KCNIP4: variants seen among roughly 807,000 people sequenced by gnomAD.
KCNIP4 encodes Kv channel-interacting protein 4.
KCNIP4 carries 12 observed loss-of-function variants against 34.0 expected under a neutral mutation model. The ratio of observed to expected loss-of-function variants is 0.35; its 90% CI spans 0.23 to 0.57. The LOEUF is 0.57. Among genes scored for constraint, KCNIP4 ranks in the 20% least tolerant of loss-of-function variants. The pLI, the probability that KCNIP4 is intolerant of heterozygous loss-of-function variation, is 0.83. For missense variants in KCNIP4, 238 were observed against 311.7 expected (o/e 0.76, Z 1.78); for synonymous variants, 124 against 102.2 (o/e 1.21, Z -1.29).
At chr4:21,491,657 G>T (rs923267798) in intron 1 of KCNIP4, among the ~76,000 whole-genome samples, 29 of 152,148 alleles carry the variant, frequency 1.9e-4, no homozygotes, top group African/African-American at 6.3e-4. Context: ...ACAGGCATAA[G>T]CCACCACACC....
chr4:21,016,452 C>T (rs556285549), intron 1 of KCNIP4, among the ~76,000 whole-genome samples: 49 of 151,706 alleles, frequency 3.2e-4, no homozygotes, highest in African/African-American at 9.9e-4. Flanking sequence ...CCCGCCACCA[C>T]GCCCTGCTAA....
At chr4:20,929,422 T>G (rs1328925165) in intron 1 of KCNIP4, among the ~76,000 whole-genome samples, 1 of 151,978 alleles carries the variant, frequency 6.6e-6, no homozygotes. Flanking sequence ...AATCCACAGC[T>G]AACATAATAA....
At chr4:21,416,908 A>C (rs1180014317) in intron 1 of KCNIP4, among the ~76,000 whole-genome samples, 1 of 152,210 alleles carries the variant, frequency 6.6e-6, no homozygotes, top group Admixed American at 6.5e-5. Context: ...CAAGGTTATT[A>C]CTTTGAAATG....
chr4:21,450,690 A>G (rs1728446265), intron 1 of KCNIP4, among the ~76,000 whole-genome samples: 1 of 152,180 alleles, frequency 6.6e-6, no homozygotes, highest in African/African-American at 2.4e-5. Context: ...GAAACCTGAT[A>G]GTTCAATGGA....
chr4:21,504,972 T>C (rs1246403464), intron 1 of KCNIP4, among the ~76,000 whole-genome samples: 1 of 152,158 alleles, frequency 6.6e-6, no homozygotes, highest in African/African-American at 2.4e-5. Context: ...ATATTCACTA[T>C]AGTAACAAGT....
intron 1 of KCNIP4, among the ~76,000 whole-genome samples, chr4:21,505,214 T>G (rs1733733398): frequency 6.6e-6 from 1 of 151,910 alleles, no homozygotes; most frequent in Admixed American, 6.6e-5. Context: ...TGAACTGTAG[T>G]TTCATAGATT....
At chr4:21,525,180 C>T (rs979962690) in intron 1 of KCNIP4, among the ~76,000 whole-genome samples, 2 of 152,064 alleles carry the variant, frequency 1.3e-5, no homozygotes, top group Non-Finnish European at 2.9e-5. Flanking sequence ...ATTTTATAAC[C>T]ACATGTAAAT....
chr4:21,141,168 C>A (rs540658907), intron 1 of KCNIP4, among the ~76,000 whole-genome samples: 2 of 152,002 alleles, frequency 1.3e-5, no homozygotes, highest in Non-Finnish European at 2.9e-5. Flanking sequence ...TACCTTAGTT[C>A]AAAAACACTT....
chr4:21,261,698 C>T (rs1761482120), intron 1 of KCNIP4, among the ~76,000 whole-genome samples: 1 of 152,272 alleles, frequency 6.6e-6, no homozygotes, highest in East Asian at 1.9e-4. Flanking sequence ...CCTCATACAC[C>T]TAATCTATTA....
intron 1 of KCNIP4, among the ~76,000 whole-genome samples, chr4:21,685,418 C>T (rs1400534074): frequency 6.6e-6 from 1 of 152,132 alleles, no homozygotes; most frequent in African/African-American, 2.4e-5. Context: ...AGGTCACCTG[C>T]TAAGACGTGA....
chr4:21,427,077 T>G (rs946552687), intron 1 of KCNIP4, among the ~76,000 whole-genome samples: 5 of 152,110 alleles, frequency 3.3e-5, no homozygotes, highest in Non-Finnish European at 7.4e-5. Flanking sequence ...GGTTGGAATT[T>G]TCAATACATG....
At chr4:20,902,595 C>A (rs550508285) in intron 1 of KCNIP4, among the ~76,000 whole-genome samples, 2 of 152,300 alleles carry the variant, frequency 1.3e-5, no homozygotes, top group South Asian at 4.2e-4. Flanking sequence ...TCTTGGCTCA[C>A]TGCAACCACC....
chr4:21,868,955 C>T lies in KCNIP4; in HGVS notation c.61+79616G>A, dbSNP rs143915393. Among the ~76,000 whole-genome samples the T allele has an allele frequency of 2.2e-3, 341 of 152,316 alleles. 1 individual carries two copies. Among genetic ancestry groups the T allele is most frequent in the African/African-American group, 7.8e-3 (326 of 41,570 alleles). On this transcript the variant is annotated intron_variant, in intron 1 of 8. Coordinates refer to ENST00000382152, the MANE Select transcript of KCNIP4 (RefSeq NM_025221.6). Reference sequence around the variant, plus strand: ...AGGATTATTTGTTAAAATGTTCTCACTGGGAAAACCAGTAGAAGTTCCAAA... The same window carrying T: ...AGGATTATTTGTTAAAATGTTCTCATTGGGAAAACCAGTAGAAGTTCCAAA...
intron 1 of KCNIP4, among the ~76,000 whole-genome samples, chr4:21,045,415 C>A (rs1262628991): frequency 6.6e-6 from 1 of 152,234 alleles, no homozygotes; most frequent in East Asian, 1.9e-4. Flanking sequence ...TAGAACATTA[C>A]AAGAAATTCC....
intron 1 of KCNIP4, among the ~76,000 whole-genome samples, chr4:21,775,198 T>C (rs1435984751): frequency 6.6e-6 from 1 of 152,176 alleles, no homozygotes; most frequent in Non-Finnish European, 1.5e-5. Context: ...TTTGTTCTTC[T>C]TTCAACAGTC....
At chr4:21,438,746 CAT>C (rs1243808689) in intron 1 of KCNIP4, among the ~76,000 whole-genome samples, 1 of 152,094 alleles carries the variant, frequency 6.6e-6, no homozygotes, top group African/African-American at 2.4e-5. Flanking sequence ...AGATAATTAA[CAT>C]ATGCTCATTT....
intron 1 of KCNIP4, among the ~76,000 whole-genome samples, chr4:21,039,400 A>T (rs1741755226): frequency 6.6e-6 from 1 of 151,810 alleles, no homozygotes. Flanking sequence ...AGGAATAAGC[A>T]TCAAGAGAGA....
intron 1 of KCNIP4, among the ~76,000 whole-genome samples, chr4:21,761,163 A>G (rs1311336858): frequency 6.6e-6 from 1 of 152,096 alleles, no homozygotes; most frequent in African/African-American, 2.4e-5. Context: ...GTGCTGTAGC[A>G]TGATCATAAC....
rs890638098 is a variant in KCNIP4, at chr4:21,398,880, T to A, written c.62-516171A>T. Among the ~76,000 whole-genome samples, 5 of 152,194 alleles carry A rather than the reference T, an allele frequency of 3.3e-5. No individual in the cohort carries two copies. In the South Asian group the frequency reaches 1.0e-3, roughly 32 times the overall value. On this transcript the variant is annotated intron_variant, in intron 1 of 8. Transcript: ENST00000382152. ...ACTTATTTACTAGTTCTTCTTTTTA[T>A]ACCTGTGTAAACTGATCAATCAAAT...
Sources: gnomAD v4.1 joint callset for allele counts (sites outside exome capture counted in the v4.1 genomes callset) on GRCh38, gnomAD v4.1.1 for gene constraint, MANE v1.5 for transcripts, NCBI Gene and HGNC (gene_info 2026-07-23, HGNC 2026-07-21) for gene names.